The following NRL variants were observed in gnomAD, a reference collection of about 807,000 sequenced individuals.
NRL encodes the protein neural retina-specific leucine zipper protein.
In NRL, 16 loss-of-function variants were observed where a neutral mutation model predicts 12.5. The ratio of observed to expected loss-of-function variants is 1.28; its 90% confidence interval spans 0.87 to 1.95. NRL has a LOEUF of 1.95. Ranked by LOEUF, NRL falls within the 30% of genes most tolerant of loss-of-function variation. NRL has a pLI of 0.00. For missense variants in NRL, 314 were observed against 325.8 expected (o/e 0.96, Z 0.28); for synonymous variants, 142 against 150.9 (o/e 0.94, Z 0.43).
intron 1 of NRL, chr14:24,103,142 T>C (rs769923011): frequency 1.3e-6 from 2 of 1,593,634 alleles, no homozygotes; most frequent in Non-Finnish European, 1.7e-6. Context: ...CCTGTGACTC[T>C]GTTCATTGGT....
Position 24,094,687 on chromosome 14 carries a change from T to C in NRL, c.-27-11812A>G. 3.9e-6 allele frequency: 6 copies of C among 1,521,424 alleles called. 1 individual carries two copies. The highest frequency in any genetic ancestry group is 1.7e-4 in the Middle Eastern group (1 of 5,928). The allele number at this position is 1,521,424 out of a possible 1,614,324, so 94.2% of individuals were successfully genotyped here. On this transcript the variant is annotated intron_variant, in intron 1 of 2. Transcript: ENST00000561028. The surrounding 1 kb of genome is among the most constrained non-coding windows in gnomAD (Gnocchi z 4.1). The stretch of plus-strand genomic sequence containing the variant: ...CGCCTCTGACCGCGCGATCTCTATC[T>C]GCCACTCTCAGAACTTCCTCTCTCT...
At chr14:24,090,324 G>C (rs1291499152) in intron 1 of NRL, among the ~76,000 whole-genome samples, 2 of 150,270 alleles carry the variant, frequency 1.3e-5, no homozygotes, top group African/African-American at 5.0e-5. Context: ...GGACCCAAGA[G>C]AGGGAACAGT....
At chr14:24,110,841 C>T (rs1196100241) in intron 1 of NRL, among the ~76,000 whole-genome samples, 1 of 152,200 alleles carries the variant, frequency 6.6e-6, no homozygotes. Flanking sequence ...ATAAGAAATT[C>T]TCCTGGGAAG....
At chr14:24,113,844 G>T (rs1361080870) in intron 1 of NRL, among the ~76,000 whole-genome samples, 1 of 152,242 alleles carries the variant, frequency 6.6e-6, no homozygotes, top group African/African-American at 2.4e-5. Flanking sequence ...CCTCAGGAGC[G>T]GGCGGAGGGA....
At chr14:24,092,538 G>T (rs549375252) in intron 1 of NRL, among the ~76,000 whole-genome samples, 1 of 152,340 alleles carries the variant, frequency 6.6e-6, no homozygotes, top group East Asian at 1.9e-4. Context: ...AGGCCCAAAG[G>T]TTGGCCAAGA....
At position 24,094,357 on chromosome 14, in the gene NRL, C is replaced by T; in HGVS notation, c.-27-11482G>A. 2 of 1,515,684 alleles carry T rather than the reference C, an allele frequency of 1.3e-6. No individual in the cohort carries two copies. Among genetic ancestry groups the T allele is most frequent in the Non-Finnish European group, 8.9e-7 (1 of 1,126,196 alleles). The allele number at this position is 1,515,684 out of a possible 1,614,324, so 93.9% of individuals were successfully genotyped here. On this transcript the variant is annotated intron_variant, in intron 1 of 2. Transcript: ENST00000561028. This position sits in a 1 kb window ranked among gnomAD's most constrained non-coding sequence, Gnocchi z 4.1. ...CCTCCTTCCCCGCCTTCCATACCTC[C>T]CCGGCTCCGCTCGGTTCCTGGCCAC...
chr14:24,092,821 C>G (rs2036677029), intron 1 of NRL, among the ~76,000 whole-genome samples: 1 of 152,226 alleles, frequency 6.6e-6, no homozygotes, highest in Non-Finnish European at 1.5e-5. Flanking sequence ...AGAAATGCAT[C>G]AATTCCTGTA....
chr14:24,094,978 G>A lies in NRL; in HGVS notation c.-27-12103C>T. 1 of 687,620 alleles carries A rather than the reference G, an allele frequency of 1.5e-6. No individual in the cohort carries two copies. Among genetic ancestry groups the A allele is most frequent in the Non-Finnish European group, 2.2e-6 (1 of 451,998 alleles). The allele number at this position is 687,620 out of a possible 1,614,324, so 42.6% of individuals were successfully genotyped here. On this transcript the variant is annotated intron_variant, in intron 1 of 2. Coordinates refer to ENST00000561028, the MANE Select transcript of NRL (RefSeq NM_001354768.3). This position sits in a 1 kb window ranked among gnomAD's most constrained non-coding sequence, Gnocchi z 4.1. ...GTCCAGAGCAGCCCGAGGGACCTGG[G>A]CCCAGGGGAGGGAGGCAAGCAAGGT...
In NRL at chr14:24,079,399, G is replaced by A. The variant is rs912612639; in HGVS notation, c.*1837C>T. 6.6e-6 allele frequency among the ~76,000 whole-genome samples: 1 copy of A among 152,218 alleles called. No homozygotes were observed. Among genetic ancestry groups the A allele is most frequent in the Non-Finnish European group, 1.5e-5 (1 of 68,042 alleles). Reference sequence around the variant, plus strand: ...CCCCATCCTCTCCCTTCAACAATGAGTGTGGAAGGGGATGAAGAAAGAGAA... The same window carrying A: ...CCCCATCCTCTCCCTTCAACAATGAATGTGGAAGGGGATGAAGAAAGAGAA... On this transcript the variant is annotated 3_prime_UTR_variant, in exon 3 of 3. Transcript: ENST00000561028.
intron 1 of NRL, chr14:24,110,474 ATTATCT>A (rs1302144978): frequency 6.0e-6 from 1 of 167,654 alleles, no homozygotes; most frequent in Non-Finnish European, 1.4e-5. Flanking sequence ...AGAAGAAATG[ATTATCT>A]TTATTTTTTT....
At chr14:24,087,340 T>G (rs1213272085) in intron 1 of NRL, among the ~76,000 whole-genome samples, 1 of 152,026 alleles carries the variant, frequency 6.6e-6, no homozygotes, top group Non-Finnish European at 1.5e-5. Context: ...AATAGACACA[T>G]AGGCCACAGA....
intron 1 of NRL, among the ~76,000 whole-genome samples, chr14:24,095,564 C>G (rs998044003): frequency 7.2e-5 from 11 of 152,200 alleles, no homozygotes; most frequent in African/African-American, 2.7e-4. Context: ...TCCACCCTCC[C>G]ACCAACACCA....
chr14:24,104,418 A>AGG (rs2037292341), intron 1 of NRL, among the ~76,000 whole-genome samples: 1 of 151,582 alleles, frequency 6.6e-6, no homozygotes, highest in Non-Finnish European at 1.5e-5. Context: ...TCACGAGGTC[A>AGG]GGGGATTGAG....
intron 1 of NRL, chr14:24,102,710 G>C: frequency 6.3e-7 from 1 of 1,579,668 alleles, no homozygotes; most frequent in Non-Finnish European, 8.7e-7. Context: ...GTTGGGGGTC[G>C]ACATGACCTT....
At position 24,108,849 on chromosome 14, in the gene NRL, G is replaced by A. The variant is rs116946851; in HGVS notation, c.-28+5873C>T. ...TAAGGCAATGTTCAAACACATGTATGAGCATCAGTCACTCCAAACACGGAA... is the reference window on the plus strand; with the variant it reads ...TAAGGCAATGTTCAAACACATGTATAAGCATCAGTCACTCCAAACACGGAA... On this transcript the variant is annotated intron_variant, in intron 1 of 2. Transcript: ENST00000561028. Among the ~76,000 whole-genome samples the A allele has an allele frequency of 5.6e-3, 854 of 152,286 alleles. 22 individuals are homozygous for A. Among genetic ancestry groups the A allele is most frequent in the East Asian group, 0.044 (229 of 5,190 alleles).
intron 1 of NRL, among the ~76,000 whole-genome samples, chr14:24,091,910 T>C (rs1179213493): frequency 6.6e-6 from 1 of 152,082 alleles, no homozygotes; most frequent in African/African-American, 2.4e-5. Flanking sequence ...CAAGCAGGCA[T>C]CTTGGAGGTC....
intron 1 of NRL, chr14:24,103,810 T>A (rs749578321): frequency 6.2e-7 from 1 of 1,614,122 alleles, no homozygotes. Flanking sequence ...CTCAGAGCTA[T>A]AGACACCACT....
intron 1 of NRL, among the ~76,000 whole-genome samples, chr14:24,109,227 G>T (rs2138993097): frequency 6.6e-6 from 1 of 152,190 alleles, no homozygotes; most frequent in African/African-American, 2.4e-5. Flanking sequence ...TCAAAATCAA[G>T]ACAGCATAGG....
At chr14:24,110,376 T>C in intron 1 of NRL, 1 of 377,822 alleles carries the variant, frequency 2.6e-6, no homozygotes. Flanking sequence ...CTCAAAGTAC[T>C]GGGATTACAG....
Sources: gnomAD v4.1 joint callset for allele counts (sites outside exome capture counted in the v4.1 genomes callset) on GRCh38, gnomAD v4.1.1 for gene constraint, Gnocchi (gnomAD v3.1) non-coding constraint, MANE v1.5 for transcripts, NCBI Gene and HGNC (gene_info 2026-07-23, HGNC 2026-07-21) for gene names.